ATAD2: variants seen among roughly 807,000 people sequenced by gnomAD.
The protein encoded by ATAD2 is ATPase family AAA domain containing 2, also known as ATPase family AAA domain-containing protein 2.
In ATAD2, 62 loss-of-function variants were observed where a neutral mutation model predicts 168.9. That is an observed-to-expected ratio of 0.37 (90% CI 0.30 to 0.45). The LOEUF (loss-of-function observed/expected upper bound fraction) is 0.45. Among genes scored for constraint, ATAD2 ranks in the 20% least tolerant of loss-of-function variants. The pLI is 1.00. For missense variants in ATAD2, 1,419 were observed against 1,667.8 expected (o/e 0.85, Z 2.60); for synonymous variants, 613 against 571.6 (o/e 1.07, Z -1.03).
intron 1 of ATAD2, among the ~76,000 whole-genome samples, chr8:123,381,746 C>CA (rs1290399482): frequency 2.6e-5 from 4 of 151,816 alleles, no homozygotes; most frequent in Non-Finnish European, 5.9e-5. Flanking sequence ...ACAAAACAAA[C>CA]AAAAAAAGAT....
chr8:123,407,388 T>C (rs1202096240), intron 1 of ATAD2, among the ~76,000 whole-genome samples: 1 of 152,192 alleles, frequency 6.6e-6, no homozygotes, highest in Non-Finnish European at 1.5e-5. Flanking sequence ...TAATCTTAAC[T>C]ATTCTAGTTA....
Position 123,402,104 on chromosome 8 carries a change from T to C in ATAD2, c.-2281-929A>G. The C allele has an allele frequency of 9.3e-7, 1 of 1,072,082 alleles. No homozygotes were observed. Among genetic ancestry groups the C allele is most frequent in the Non-Finnish European group, 1.4e-6 (1 of 700,428 alleles). The allele number at this position is 1,072,082 out of a possible 1,614,324, so 66.4% of individuals were successfully genotyped here. ...CCTGCACTCTTAGGAGAAGCGGCTG[T>C]ACTGACAGCAGTGGAGGCCGAGGTG... is the stretch of plus-strand genomic sequence containing the variant. On this transcript the variant is annotated intron_variant, in intron 1 of 28. Coordinates refer to the ATAD2 transcript ENST00000521903. This position sits in a 1 kb window ranked among gnomAD's most constrained non-coding sequence, Gnocchi z 4.8.
chr8:123,398,585 CACTGCA>C (rs1323595133), upstream of ATAD2, among the ~76,000 whole-genome samples: 1 of 152,218 alleles, frequency 6.6e-6, no homozygotes, highest in East Asian at 1.9e-4. Flanking sequence ...AGCCACGGTT[CACTGCA>C]GCTTTGACCT....
chr8:123,367,280 G>GTA (rs1829009064), intron 8 of ATAD2, among the ~76,000 whole-genome samples: 1 of 152,148 alleles, frequency 6.6e-6, no homozygotes, highest in Non-Finnish European at 1.5e-5. Context: ...AGCGGGGCAT[G>GTA]GTGGCAGACG....
At chr8:123,369,430 A>G (rs370028762) in intron 7 of ATAD2, 8 of 219,862 alleles carry the variant, frequency 3.6e-5, no homozygotes, top group African/African-American at 9.2e-5. Flanking sequence ...ATAAACAACC[A>G]TTGTGACTGT....
chr8:123,374,937 A>G (rs1445506191), intron 2 of ATAD2, among the ~76,000 whole-genome samples: 1 of 152,154 alleles, frequency 6.6e-6, no homozygotes, highest in Non-Finnish European at 1.5e-5. Context: ...ACAGTTACTC[A>G]TATCTTTCTG....
In ATAD2 at chr8:123,375,436, C is replaced by T. The variant is rs148496303; in HGVS notation, c.321-2750G>A. Among the ~76,000 whole-genome samples, 53 of 152,238 alleles carry T rather than the reference C, an allele frequency of 3.5e-4. 2 individuals are homozygous for T. In the East Asian group the frequency reaches 0.01, roughly 29 times the overall value. The stretch of plus-strand genomic sequence containing the variant: ...ACATTGGTGGTAGGAATGTAAAATG[C>T]TGTAAATGTTTTGGAAAAGTATGCT... On this transcript the variant is annotated intron_variant, in intron 2 of 27. Transcript: ENST00000287394.
rs1388803637 is a variant in ATAD2, at chr8:123,328,403, CTG to C, written c.3653_3654del (p.Thr1218ArgfsTer9). 3 of 1,566,944 alleles carry C rather than the reference CTG, an allele frequency of 1.9e-6. No individual in the cohort carries two copies. The highest frequency in any genetic ancestry group is 1.2e-5 in the South Asian group (1 of 82,468). On this transcript the variant is annotated frameshift_variant, in exon 25 of 28. Coordinates refer to ENST00000287394, the MANE Select transcript of ATAD2 (RefSeq NM_014109.4). LOFTEE classifies it high-confidence loss of function. Reference sequence around the variant, plus strand: ...TCATTTTCTTCCACCGAAGACTCTCCTGTGTTTCCGGTCTCATTATGATCTAC... The same window carrying C: ...TCATTTTCTTCCACCGAAGACTCTCCTGTTTCCGGTCTCATTATGATCTAC... ...TSVDHNETGN[T>X]GESSVEENEK...
In ATAD2 at chr8:123,325,995, T is replaced by C. The variant is rs1563831215; in HGVS notation, c.3900A>G (p.Arg1300=). 1 of 1,614,140 alleles carries C rather than the reference T, an allele frequency of 6.2e-7. No individual in the cohort carries two copies. The highest frequency in any genetic ancestry group is 1.1e-5 in the South Asian group (1 of 91,076). ...EMCVLRMTRA[R]RSQVEQQQLI... is the part of the protein sequence containing the mutation. ...GCTGCTGCTGTTCTACCTGGGAACGTCTAGCTCGAGTCATTCGCAGAACAC... is the reference window on the plus strand; with the variant it reads ...GCTGCTGCTGTTCTACCTGGGAACGCCTAGCTCGAGTCATTCGCAGAACAC... The change falls in exon 26 of 28, where the codon AGA becomes AGG. Residue 1300 remains arginine (R), a synonymous_variant. Transcript: ENST00000287394.
chr8:123,398,387 T>C (rs1045988167), upstream of ATAD2, among the ~76,000 whole-genome samples: 2 of 151,906 alleles, frequency 1.3e-5, no homozygotes, highest in African/African-American at 4.8e-5. Flanking sequence ...TGCACCACCA[T>C]GCCCAGCTAA....
At chr8:123,344,101 T>C (rs1451723789) in intron 19 of ATAD2, among the ~76,000 whole-genome samples, 1 of 152,096 alleles carries the variant, frequency 6.6e-6, no homozygotes, top group African/African-American at 2.4e-5. Context: ...CACATACCAG[T>C]GCTCATACTA....
intron 25 of ATAD2, 57 bp downstream of exon 25, chr8:123,328,133 A>G (rs1179498199): frequency 8.5e-6 from 11 of 1,295,688 alleles, no homozygotes; most frequent in Non-Finnish European, 1.1e-5. Context: ...TTAGGTGTTT[A>G]GAAACTTTGA....
At chr8:123,344,220 A>G (rs1828155370) in intron 19 of ATAD2, among the ~76,000 whole-genome samples, 1 of 152,230 alleles carries the variant, frequency 6.6e-6, no homozygotes, top group African/African-American at 2.4e-5. Flanking sequence ...GTACATCAAC[A>G]GTGGAAAAAC....
intron 13 of ATAD2, among the ~76,000 whole-genome samples, chr8:123,350,912 T>C (rs1828433000): frequency 6.6e-6 from 1 of 151,622 alleles, no homozygotes; most frequent in South Asian, 2.1e-4. Context: ...TTTTTTTTTT[T>C]AGTAGAGACG....
chr8:123,391,485 G>GAA lies in ATAD2; in HGVS notation c.171+4700_171+4701dup, dbSNP rs10563871. ...CTGATCAGAGGTAATGAGAAGTTTT[G>GAA]AAAAAAAAAAAAAAAAAAAAAAAAA... On this transcript the variant is annotated intron_variant, in intron 1 of 27. Transcript: ENST00000287394. 2.2e-3 allele frequency among the ~76,000 whole-genome samples: 73 copies of GAA among 33,878 alleles called. 8 individuals are homozygous for GAA. Among genetic ancestry groups the GAA allele is most frequent in the African/African-American group, 7.6e-3 (68 of 8,948 alleles). The allele number at this position is 33,878 out of a possible 152,430, so 22.2% of individuals were successfully genotyped here. A position where few individuals can be genotyped will look rare whatever the true frequency, so the allele number is the denominator to read the frequency against.
At chr8:123,405,353 C>A (rs1466941593) in intron 1 of ATAD2, among the ~76,000 whole-genome samples, 2 of 150,968 alleles carry the variant, frequency 1.3e-5, no homozygotes, top group Non-Finnish European at 2.9e-5. Context: ...GCTTCCCAGG[C>A]TCAAGTGATT....
chr8:123,356,452 A>G lies in ATAD2; in HGVS notation c.1583T>C (p.Ile528Thr). The stretch of plus-strand genomic sequence containing the variant: ...CAGACCATCAATTTCGTCAAAAAAA[A>G]TAATTGATGGGCGCATCTGATAGGC... ...DQAYQMRPSI[I>T]FFDEIDGLAP... Residue 528 changes from isoleucine to threonine, a missense_variant, in exon 13 of 28, where the codon ATT becomes ACT. Physicochemically the swap from Ile to Thr is moderately conservative, Grantham distance 89. Around this residue, in one of 5 missense-constraint regions of ATAD2, gnomAD observed 545 missense variants for 724.9 expected, o/e 0.75. Transcript: ENST00000287394. The G allele has an allele frequency of 6.2e-7, 1 of 1,612,582 alleles. No individual in the cohort carries two copies. The highest frequency in any genetic ancestry group is 8.5e-7 in the Non-Finnish European group (1 of 1,179,104).
Position 123,334,002 on chromosome 8 carries a change from A to G in ATAD2, c.3354T>C (p.Tyr1118=), listed in dbSNP as rs1288045597. The change falls in exon 24 of 28, where the codon TAT becomes TAC. Residue 1118 remains tyrosine (Y), a synonymous_variant. Transcript: ENST00000287394. ...RKKRGCSSSK[Y]APSYYHVMPK... The stretch of plus-strand genomic sequence containing the variant: ...GCATCACATGGTAGTAAGACGGGGC[A>G]TATTTGGAGGAGCTACAACCTTATA... 1 of 1,613,878 alleles carries G rather than the reference A, an allele frequency of 6.2e-7. No individual in the cohort carries two copies. The highest frequency in any genetic ancestry group is 8.5e-7 in the Non-Finnish European group (1 of 1,179,930).
chr8:123,329,097 G>A lies in ATAD2; in HGVS notation c.3479-518C>T, dbSNP rs111290344. On this transcript the variant is annotated intron_variant, in intron 24 of 27. Transcript: ENST00000287394. The stretch of plus-strand genomic sequence containing the variant: ...ATTACAAGCGTGAGCCACCGCACCC[G>A]GCCTATCTTGAATACTTTTAATCTT... 1.9e-3 allele frequency among the ~76,000 whole-genome samples: 291 copies of A among 152,086 alleles called. 1 individual carries two copies. Among genetic ancestry groups the A allele is most frequent in the African/African-American group, 6.5e-3 (269 of 41,474 alleles).
Sources: allele counts gnomAD v4.1 joint callset (sites outside exome capture counted in the v4.1 genomes callset), GRCh38; gene constraint gnomAD v4.1.1; regional missense constraint gnomAD v4.1.1; non-coding constraint Gnocchi (gnomAD v3.1); transcripts MANE v1.5; gene names NCBI Gene and HGNC (gene_info 2026-07-23, HGNC 2026-07-21).